The following SPIDR variants were observed in gnomAD, a reference collection of about 807,000 sequenced individuals.
SPIDR encodes DNA repair-scaffolding protein.
Under a neutral mutation model 104.6 loss-of-function variants are expected in SPIDR, and 93 were observed. The observed-to-expected ratio is 0.89, with a 90% CI of 0.75 to 1.06. The LOEUF is 1.06. Ranked by LOEUF, SPIDR falls within the 50% of genes least tolerant of loss-of-function variation. SPIDR has a pLI of 0.00. For synonymous variants in SPIDR, 431 were observed against 416.9 expected, an observed-to-expected ratio of 1.03 and a Z score of -0.41; for missense variants, 1,154 against 1,111.2, an observed-to-expected ratio of 1.04 and a Z score of -0.55.
In SPIDR at chr8:47,699,577, C is replaced by T. The variant is rs896107488; in HGVS notation, c.1686-826C>T. Among the ~76,000 whole-genome samples the T allele has an allele frequency of 1.5e-4, 23 of 151,398 alleles. No homozygotes were observed. The South Asian group carries it at 2.1e-3, about 14-fold the overall frequency. ...TTCAGATAACTTTTTTTTTTTGAGA[C>T]GGAGTTTGGCTCTTGTCACCCAGCT... On this transcript the variant is annotated intron_variant, in intron 11 of 19. Coordinates refer to ENST00000297423, the MANE Select transcript of SPIDR (RefSeq NM_001080394.4).
rs191628389 is a variant in SPIDR, at chr8:47,462,072, G to A, written c.1097+21530G>A. 1.3e-4 allele frequency among the ~76,000 whole-genome samples: 20 copies of A among 152,086 alleles called. No homozygotes were observed. In the East Asian group the frequency reaches 3.5e-3, roughly 27 times the overall value. ...GTCAGAGGGAAGATCTGGCACTCAGGGCTAGTGTTCAGATTCTTTTGTCCC... is the reference window on the plus strand; with the variant it reads ...GTCAGAGGGAAGATCTGGCACTCAGAGCTAGTGTTCAGATTCTTTTGTCCC... On this transcript the variant is annotated intron_variant, in intron 8 of 19. Coordinates refer to ENST00000297423, the MANE Select transcript of SPIDR (RefSeq NM_001080394.4).
intron 8 of SPIDR, among the ~76,000 whole-genome samples, chr8:47,451,748 A>G (rs1263252955): frequency 1.3e-5 from 2 of 152,178 alleles, no homozygotes; most frequent in Non-Finnish European, 2.9e-5. Context: ...GACACTATCA[A>G]ATGTAGAACC....
chr8:47,313,173 G>T (rs1429000743), intron 5 of SPIDR, among the ~76,000 whole-genome samples: 1 of 152,116 alleles, frequency 6.6e-6, no homozygotes, highest in Non-Finnish European at 1.5e-5. Context: ...CATCATCTCA[G>T]CCCAAAATCT....
intron 19 of SPIDR, among the ~76,000 whole-genome samples, chr8:47,734,519 C>T (rs1374279058): frequency 2.6e-5 from 4 of 152,146 alleles, no homozygotes; most frequent in Non-Finnish European, 4.4e-5. Context: ...GCTGTAGCAA[C>T]TGCCAAATGC....
chr8:47,549,643 T>G (rs2090113482), intron 8 of SPIDR, among the ~76,000 whole-genome samples: 1 of 152,228 alleles, frequency 6.6e-6, no homozygotes, highest in African/African-American at 2.4e-5. Context: ...TTGTTTGAGT[T>G]CTTTGTAGAT....
chr8:47,582,660 G>A (rs2059822904), intron 8 of SPIDR, among the ~76,000 whole-genome samples: 1 of 152,022 alleles, frequency 6.6e-6, no homozygotes, highest in Non-Finnish European at 1.5e-5. Context: ...AAAACATTTT[G>A]ACACATTGTC....
chr8:47,300,190 G>C (rs2041790808), intron 5 of SPIDR, among the ~76,000 whole-genome samples: 2 of 152,178 alleles, frequency 1.3e-5, no homozygotes, highest in African/African-American at 4.8e-5. Context: ...GAGGGTGTAT[G>C]TGTCCAGGAA....
chr8:47,621,605 G>A (rs1000627544), intron 10 of SPIDR, among the ~76,000 whole-genome samples: 1 of 152,214 alleles, frequency 6.6e-6, no homozygotes, highest in Non-Finnish European at 1.5e-5. Context: ...TCTCAGTGCC[G>A]TCTGGCACAG....
At chr8:47,343,215 T>C (rs575154423) in intron 5 of SPIDR, among the ~76,000 whole-genome samples, 2 of 152,288 alleles carry the variant, frequency 1.3e-5, no homozygotes, top group South Asian at 2.1e-4. Flanking sequence ...AAAATTAAGA[T>C]GCAAAATAGG....
chr8:47,628,134 G>A (rs1405707157), intron 10 of SPIDR, among the ~76,000 whole-genome samples: 3 of 152,096 alleles, frequency 2.0e-5, no homozygotes, highest in Non-Finnish European at 4.4e-5. Flanking sequence ...AAATATAGAT[G>A]GCTTTCCCTA....
At chr8:47,335,907 T>C (rs556904262) in intron 5 of SPIDR, among the ~76,000 whole-genome samples, 1 of 152,180 alleles carries the variant, frequency 6.6e-6, no homozygotes, top group Admixed American at 6.5e-5. Flanking sequence ...AAAAATGATA[T>C]GCCTAAGTTT....
chr8:47,370,200 A>G (rs1587818983), intron 5 of SPIDR, among the ~76,000 whole-genome samples: 1 of 152,086 alleles, frequency 6.6e-6, no homozygotes, highest in East Asian at 1.9e-4. Context: ...TGTGTGTAAC[A>G]TCTTATGGAG....
chr8:47,441,150 TTTG>T (rs782116504), intron 8 of SPIDR, among the ~76,000 whole-genome samples: 2 of 152,188 alleles, frequency 1.3e-5, no homozygotes, highest in East Asian at 3.8e-4. Context: ...AAGTTTTCAT[TTTG>T]TATGTATGAG....
At chr8:47,345,099 T>C (rs1257952342) in intron 5 of SPIDR, among the ~76,000 whole-genome samples, 1 of 152,254 alleles carries the variant, frequency 6.6e-6, no homozygotes, top group Non-Finnish European at 1.5e-5. Context: ...GTTTCAGGTC[T>C]AACATTTAAG....
chr8:47,370,008 A>T (rs1554637599), intron 5 of SPIDR, among the ~76,000 whole-genome samples: 2 of 136,166 alleles, frequency 1.5e-5, no homozygotes, highest in Non-Finnish European at 1.6e-5. Context: ...TTCATCTTCC[A>T]TTTTCTTTAT....
chr8:47,717,537 G>A (rs1044872329), intron 16 of SPIDR, among the ~76,000 whole-genome samples: 3 of 152,188 alleles, frequency 2.0e-5, no homozygotes, highest in Non-Finnish European at 4.4e-5. Flanking sequence ...GGTGCACACA[G>A]AGGCAGATCC....
rs587757339 is a variant in SPIDR, at chr8:47,314,370, A to C, written c.525+20340A>C. On this transcript the variant is annotated intron_variant, in intron 5 of 19. Coordinates refer to ENST00000297423, the MANE Select transcript of SPIDR (RefSeq NM_001080394.4). ...GGAACAGCAGAATATAAAACAAATG[A>C]GATGTGTGTCAGTCTGTTCTCATAC... Among the ~76,000 whole-genome samples, 5 of 152,340 alleles carry C rather than the reference A, an allele frequency of 3.3e-5. No homozygotes were observed. In the South Asian group the frequency reaches 8.3e-4, roughly 25 times the overall value.
intron 9 of SPIDR, among the ~76,000 whole-genome samples, chr8:47,598,158 C>G (rs1468205121): frequency 6.6e-6 from 1 of 152,116 alleles, no homozygotes; most frequent in Non-Finnish European, 1.5e-5. Context: ...AATATTAATC[C>G]CATGAGATTC....
At chr8:47,618,719 G>C (rs1342324700) in intron 10 of SPIDR, among the ~76,000 whole-genome samples, 2 of 152,122 alleles carry the variant, frequency 1.3e-5, no homozygotes, top group Non-Finnish European at 2.9e-5. Context: ...AACTTTTAAA[G>C]TAATCGTTTT....
Sources: allele counts gnomAD v4.1 joint callset (sites outside exome capture counted in the v4.1 genomes callset), GRCh38; gene constraint gnomAD v4.1.1; transcripts MANE v1.5; gene names NCBI Gene and HGNC (gene_info 2026-07-23, HGNC 2026-07-21).